ANTXR2: variants seen among roughly 807,000 people sequenced by gnomAD.
ANTXR2 encodes ANTXR cell adhesion molecule 2.
A neutral mutation model predicts 73.7 loss-of-function variants in ANTXR2; 44 were observed. That is an observed-to-expected ratio of 0.60 (90% confidence interval 0.47 to 0.77). The LOEUF (loss-of-function observed/expected upper bound fraction) is 0.77. Among genes scored for constraint, ANTXR2 ranks in the 30% least tolerant of loss-of-function variants. The probability of loss-of-function intolerance (pLI) is 0.00; values close to 1 mark genes in which losing one functional copy is unlikely to be tolerated. For missense variants in ANTXR2, 604 were observed against 592.5 expected (o/e 1.02, Z -0.20); for synonymous variants, 217 against 205.9 (o/e 1.05, Z -0.46).
intron 7 of ANTXR2, among the ~76,000 whole-genome samples, chr4:80,049,153 T>C (rs1251298313): frequency 1.3e-5 from 2 of 151,724 alleles, no homozygotes; most frequent in East Asian, 3.9e-4. Context: ...TAATTCCAAA[T>C]AGTGAAACAT....
intron 12 of ANTXR2, among the ~76,000 whole-genome samples, chr4:79,992,171 C>G (rs1254898862): frequency 6.6e-6 from 1 of 151,910 alleles, no homozygotes; most frequent in Non-Finnish European, 1.5e-5. Context: ...GTAATGAAGA[C>G]AGTGGGAAGT....
Position 80,072,625 on chromosome 4 carries a change from G to A in ANTXR2, c.-65C>T, listed in dbSNP as rs764776185. The stretch of plus-strand genomic sequence containing the variant: ...CCCCTAAGCTCAGGAGGGTCGCAAA[G>A]GTGGCGGGAGTCACCCGGCACGCAC... On this transcript the variant is annotated 5_prime_UTR_variant, in exon 1 of 17. Coordinates refer to ENST00000403729, the MANE Select transcript of ANTXR2 (RefSeq NM_058172.6). 8.0e-6 allele frequency: 11 copies of A among 1,380,608 alleles called. No homozygotes were observed. Among genetic ancestry groups the A allele is most frequent in the Non-Finnish European group, 8.4e-6 (9 of 1,068,198 alleles). 85.5% of individuals were successfully genotyped at this position (1,380,608 alleles called of 1,614,324 possible).
intron 14 of ANTXR2, among the ~76,000 whole-genome samples, chr4:79,979,049 C>A (rs1729769623): frequency 6.6e-6 from 1 of 151,996 alleles, no homozygotes; most frequent in African/African-American, 2.4e-5. Context: ...AGTTCAGGAA[C>A]CCTAGAGAAT....
intron 12 of ANTXR2, among the ~76,000 whole-genome samples, chr4:79,996,150 G>C (rs1009052764): frequency 1.8e-4 from 28 of 151,930 alleles, no homozygotes; most frequent in Non-Finnish European, 4.4e-5. Context: ...TTCAAACCGA[G>C]GACCAAGTCT....
In ANTXR2 at chr4:79,921,771, T is replaced by G. The variant is rs76337326; in HGVS notation, c.1429-14304A>C. ...TTGTTTGTTGGTTGGTTGGTTGGTTTGTTTTTCACCACAGCAAGTGTTTAG... is the reference window on the plus strand; with the variant it reads ...TTGTTTGTTGGTTGGTTGGTTGGTTGGTTTTTCACCACAGCAAGTGTTTAG... On this transcript the variant is annotated intron_variant, in intron 16 of 16. Coordinates refer to ENST00000403729, the MANE Select transcript of ANTXR2 (RefSeq NM_058172.6). Among the ~76,000 whole-genome samples the G allele has an allele frequency of 4.7e-3, 708 of 151,746 alleles. 6 individuals are homozygous for G. Among genetic ancestry groups the G allele is most frequent in the African/African-American group, 0.015 (638 of 41,502 alleles).
At chr4:79,929,650 C>T (rs1246197561) in intron 16 of ANTXR2, among the ~76,000 whole-genome samples, 1 of 152,124 alleles carries the variant, frequency 6.6e-6, no homozygotes, top group Non-Finnish European at 1.5e-5. Context: ...AGGCATTTTA[C>T]GTTATGGCAT....
chr4:80,012,445 T>C (rs767548170), intron 11 of ANTXR2, among the ~76,000 whole-genome samples: 7 of 152,122 alleles, frequency 4.6e-5, no homozygotes, highest in Non-Finnish European at 8.8e-5. Context: ...CACAGCCATT[T>C]GTTTATATAA....
chr4:79,984,929 A>C, intron 12 of ANTXR2, 66 bp from the exon 13 acceptor site: 1 of 1,302,700 alleles, frequency 7.7e-7, no homozygotes, highest in Non-Finnish European at 1.1e-6. Context: ...GATGTGTAAA[A>C]ATAATTTGAT....
chr4:80,013,972 G>C (rs1378288802), intron 11 of ANTXR2, among the ~76,000 whole-genome samples: 1 of 152,090 alleles, frequency 6.6e-6, no homozygotes, highest in East Asian at 1.9e-4. Flanking sequence ...CATCAGCCTT[G>C]GCAGACACGG....
intron 16 of ANTXR2, among the ~76,000 whole-genome samples, chr4:79,976,226 A>T (rs1012714844): frequency 7.3e-5 from 11 of 150,044 alleles, no homozygotes; most frequent in Admixed American, 4.6e-4. Flanking sequence ...AATCGCATTT[A>T]AAAAAAAAAT....
At chr4:79,923,291 T>C (rs901074320) in intron 16 of ANTXR2, among the ~76,000 whole-genome samples, 4 of 152,128 alleles carry the variant, frequency 2.6e-5, no homozygotes, top group African/African-American at 9.7e-5. Context: ...CACAAAACTA[T>C]AAAATGATAT....
chr4:79,928,804 C>G (rs1293295446), intron 16 of ANTXR2, among the ~76,000 whole-genome samples: 1 of 152,072 alleles, frequency 6.6e-6, no homozygotes, highest in African/African-American at 2.4e-5. Flanking sequence ...TCATTTTAAT[C>G]TAACAAAACC....
At chr4:79,956,345 G>A (rs1728884261) in intron 16 of ANTXR2, among the ~76,000 whole-genome samples, 1 of 152,082 alleles carries the variant, frequency 6.6e-6, no homozygotes, top group Non-Finnish European at 1.5e-5. Context: ...TTCCCTACAT[G>A]TATAATTGCC....
chr4:80,033,456 A>T lies in ANTXR2; in HGVS notation c.796+16T>A. ...TTGCAGAGATTAAGACAACACTGAG[A>T]TTACTGGGGACCTACTCGTTGTATA... is the stretch of plus-strand genomic sequence containing the variant. On this transcript the variant is annotated intron_variant, in intron 9 of 16. Coordinates refer to ENST00000403729, the MANE Select transcript of ANTXR2 (RefSeq NM_058172.6). 1 of 1,579,354 alleles carries T rather than the reference A, an allele frequency of 6.3e-7. No homozygotes were observed. The highest frequency in any genetic ancestry group is 1.2e-5 in the South Asian group (1 of 85,200).
chr4:79,937,785 C>T (rs1185694366), intron 16 of ANTXR2, among the ~76,000 whole-genome samples: 9 of 151,330 alleles, frequency 5.9e-5, no homozygotes, highest in Admixed American at 1.3e-4. Flanking sequence ...ACGCAGAAGA[C>T]GGTGATTTCT....
intron 3 of ANTXR2, among the ~76,000 whole-genome samples, chr4:80,065,479 G>A (rs562776228): frequency 2.5e-4 from 38 of 152,094 alleles, no homozygotes; most frequent in Non-Finnish European, 4.3e-4. Context: ...TAGGTAGGTG[G>A]GTGGGTAGGT....
intron 12 of ANTXR2, among the ~76,000 whole-genome samples, chr4:79,991,728 G>GA (rs965964390): frequency 7.3e-5 from 11 of 151,616 alleles, no homozygotes; most frequent in East Asian, 1.9e-4. Flanking sequence ...GGACTGGCTA[G>GA]AAAAAAAAGT....
chr4:80,022,384 T>C (rs1732206999), intron 10 of ANTXR2, among the ~76,000 whole-genome samples: 1 of 152,226 alleles, frequency 6.6e-6, no homozygotes. Flanking sequence ...TAAACTTTGC[T>C]GCTTCTTTAG....
Position 80,012,428 on chromosome 4 carries a change from TA to T in ANTXR2, c.946-3813del, listed in dbSNP as rs1032741613. On this transcript the variant is annotated intron_variant, in intron 11 of 16. Transcript: ENST00000403729. ...ATTCCAATGTCAGTGTACATAGTTT[TA>T]CTGAACACAGCCATTTGTTTATATA... Among the ~76,000 whole-genome samples the T allele has an allele frequency of 2.8e-4, 42 of 152,180 alleles. 1 individual carries two copies. Among genetic ancestry groups the T allele is most frequent in the Non-Finnish European group, 7.3e-5 (5 of 68,038 alleles).
Sources: gnomAD v4.1 joint callset for allele counts (sites outside exome capture counted in the v4.1 genomes callset) on GRCh38, gnomAD v4.1.1 for gene constraint, MANE v1.5 for transcripts, NCBI Gene and HGNC (gene_info 2026-07-23, HGNC 2026-07-21) for gene names.